FGF14: variants seen among roughly 807,000 people sequenced by gnomAD.
The protein encoded by FGF14 is fibroblast growth factor homologous factor 4.
Under a neutral mutation model 25.5 loss-of-function variants are expected in FGF14, and 5 were observed. That is an observed-to-expected ratio of 0.20 (90% CI 0.10 to 0.41). The LOEUF is 0.41. Ranked by LOEUF, FGF14 falls within the 10% of genes least tolerant of loss-of-function variation. The pLI, the probability that FGF14 is intolerant of heterozygous loss-of-function variation, is 1.00. For missense variants in FGF14, 222 were observed against 320.1 expected (o/e 0.69, Z 2.34); for synonymous variants, 138 against 118.3 (o/e 1.17, Z -1.08).
rs10574334 is a variant in FGF14, at chr13:102,276,353, GTATATATA to G, written c.208+125110_208+125117del. On this transcript the variant is annotated intron_variant, in intron 1 of 4. Transcript: ENST00000376131. ...CGTACGTGTGTGTGTGTGTGTGTGT[GTATATATA>G]TATATATATATATATATATACACAT... Among the ~76,000 whole-genome samples the G allele has an allele frequency of 3.1e-3, 323 of 103,282 alleles. 3 individuals are homozygous for G. Among genetic ancestry groups the G allele is most frequent in the East Asian group, 0.01 (34 of 3,284 alleles). The allele number at this position is 103,282 out of a possible 152,430, so 67.8% of individuals were successfully genotyped here.
chr13:101,983,357 G>A (rs540042809), intron 1 of FGF14, among the ~76,000 whole-genome samples: 10 of 152,062 alleles, frequency 6.6e-5, no homozygotes, highest in Middle Eastern at 3.4e-3. Flanking sequence ...TATTCTATTC[G>A]TTTACTATTA....
At chr13:101,835,883 T>C (rs1252780354) in intron 3 of FGF14, among the ~76,000 whole-genome samples, 1 of 151,938 alleles carries the variant, frequency 6.6e-6, no homozygotes, top group African/African-American at 2.4e-5. Flanking sequence ...GCCACAGCAA[T>C]GGGGTCTGAC....
intron 1 of FGF14, among the ~76,000 whole-genome samples, chr13:101,877,379 G>A (rs2045458208): frequency 6.6e-6 from 1 of 152,112 alleles, no homozygotes; most frequent in South Asian, 2.1e-4. Context: ...ATTATTAGAA[G>A]CACATTCTAT....
chr13:101,826,382 T>G (rs117308694), intron 3 of FGF14, among the ~76,000 whole-genome samples: 3,298 of 152,124 alleles, frequency 0.022, 49 homozygotes, highest in South Asian at 0.042. Context: ...ATACCCACAT[T>G]GACATTAATC....
At chr13:102,156,853 C>T (rs1040177734) in intron 1 of FGF14, among the ~76,000 whole-genome samples, 1 of 152,146 alleles carries the variant, frequency 6.6e-6, no homozygotes, top group African/African-American at 2.4e-5. Context: ...CACAAGCATT[C>T]TTATACACCA....
chr13:101,859,683 G>T (rs964916142), intron 3 of FGF14, among the ~76,000 whole-genome samples: 1 of 152,020 alleles, frequency 6.6e-6, no homozygotes, highest in South Asian at 2.1e-4. Context: ...GTATGGTTTT[G>T]GTTGTAGTTA....
In FGF14 at chr13:101,922,309, C is replaced by T. The variant is rs140342869; in HGVS notation, c.209-47013G>A. On this transcript the variant is annotated intron_variant, in intron 1 of 4. Transcript: ENST00000376131. ...TCTCAACTTCATAAATAGGATACAC[C>T]GAAAATACTTTAGCCTTTGCTTGAT... is the stretch of plus-strand genomic sequence containing the variant. 1.2e-4 allele frequency among the ~76,000 whole-genome samples: 18 copies of T among 152,224 alleles called. No homozygotes were observed. In the South Asian group the frequency reaches 3.3e-3, roughly 28 times the overall value.
intron 1 of FGF14, among the ~76,000 whole-genome samples, chr13:102,328,365 C>G (rs776696388): frequency 6.6e-6 from 1 of 152,212 alleles, no homozygotes; most frequent in African/African-American, 2.4e-5. Flanking sequence ...TGTGAGTGGT[C>G]TGGCTAAAAT....
chr13:102,025,922 A>G (rs960663584), intron 1 of FGF14, among the ~76,000 whole-genome samples: 2 of 151,874 alleles, frequency 1.3e-5, no homozygotes, highest in African/African-American at 4.8e-5. Flanking sequence ...ATTCTTTTGC[A>G]TTATCTATAT....
chr13:102,082,214 T>C (rs1431674037), intron 1 of FGF14, among the ~76,000 whole-genome samples: 1 of 151,086 alleles, frequency 6.6e-6, no homozygotes, highest in East Asian at 1.9e-4. Context: ...GAAATTCTAT[T>C]ATCTCATAGA....
At chr13:101,948,365 G>C (rs570204702) in intron 1 of FGF14, among the ~76,000 whole-genome samples, 135 of 151,888 alleles carry the variant, frequency 8.9e-4, no homozygotes, top group African/African-American at 2.9e-3. Flanking sequence ...AGAGAAAGAG[G>C]GAGATAGAAG....
intron 1 of FGF14, among the ~76,000 whole-genome samples, chr13:102,056,267 G>A (rs2042425197): frequency 6.6e-6 from 1 of 152,178 alleles, no homozygotes; most frequent in Non-Finnish European, 1.5e-5. Context: ...CATTGACACA[G>A]CCTATAACTC....
chr13:102,209,855 A>C (rs2050089288), intron 1 of FGF14, among the ~76,000 whole-genome samples: 1 of 152,198 alleles, frequency 6.6e-6, no homozygotes, highest in Admixed American at 6.5e-5. Context: ...TTAATTAAAA[A>C]CTGGGAAGAG....
intron 3 of FGF14, among the ~76,000 whole-genome samples, chr13:101,795,755 C>T (rs965922756): frequency 3.3e-5 from 5 of 152,094 alleles, no homozygotes; most frequent in Non-Finnish European, 1.5e-5. Flanking sequence ...CACACAATCA[C>T]GGTACATCAA....
At chr13:101,988,148 G>A (rs988895861) in intron 1 of FGF14, among the ~76,000 whole-genome samples, 1 of 152,190 alleles carries the variant, frequency 6.6e-6, no homozygotes, top group South Asian at 2.1e-4. Context: ...CTGGGTCTTA[G>A]ATAGTTGTAG....
intron 1 of FGF14, among the ~76,000 whole-genome samples, chr13:102,223,266 G>C (rs762494654): frequency 6.6e-6 from 1 of 152,152 alleles, no homozygotes. Flanking sequence ...GCTAGACATA[G>C]AGACAGGTAT....
intron 1 of FGF14, among the ~76,000 whole-genome samples, chr13:101,924,518 T>C (rs2034230600): frequency 6.6e-6 from 1 of 152,196 alleles, no homozygotes; most frequent in South Asian, 2.1e-4. Context: ...ACCTTCACAG[T>C]ATAGAACTTT....
chr13:101,909,278 A>G (rs2032625232), intron 1 of FGF14, among the ~76,000 whole-genome samples: 1 of 152,230 alleles, frequency 6.6e-6, no homozygotes, highest in Non-Finnish European at 1.5e-5. Flanking sequence ...GCACAGCAAA[A>G]GAAACCACCA....
At chr13:101,736,897 A>C (rs1370357743) in intron 3 of FGF14, among the ~76,000 whole-genome samples, 1 of 151,446 alleles carries the variant, frequency 6.6e-6, no homozygotes, top group African/African-American at 2.4e-5. Flanking sequence ...ATACAGTTCT[A>C]AAAGGAAATC....
Sources: gnomAD v4.1 joint callset for allele counts (sites outside exome capture counted in the v4.1 genomes callset) on GRCh38, gnomAD v4.1.1 for gene constraint, MANE v1.5 for transcripts, NCBI Gene and HGNC (gene_info 2026-07-23, HGNC 2026-07-21) for gene names.